PPP1R7: variants seen among roughly 807,000 people sequenced by gnomAD.
The protein encoded by PPP1R7 is protein phosphatase 1 regulatory subunit 7, also known as protein phosphatase 1 regulatory subunit 22.
In PPP1R7, 18 loss-of-function variants were observed where a neutral mutation model predicts 45.2. That is an observed-to-expected ratio of 0.40 (90% CI 0.28 to 0.59). The LOEUF is 0.59. PPP1R7 is among the 20% of genes least tolerant of loss of function. The probability of loss-of-function intolerance (pLI) is 0.46; values close to 1 mark genes in which losing one functional copy is unlikely to be tolerated. For missense variants in PPP1R7, 314 were observed against 455.8 expected (o/e 0.69, Z 2.83); for synonymous variants, 181 against 183.4 (o/e 0.99, Z 0.11).
chr2:241,165,029 C>T (rs953581960), intron 7 of PPP1R7, among the ~76,000 whole-genome samples: 1 of 152,086 alleles, frequency 6.6e-6, no homozygotes, highest in African/African-American at 2.4e-5. Flanking sequence ...GCCTGGGTGA[C>T]AGAGCGAGAG....
At chr2:241,181,304 C>G (rs1228389382) in intron 9 of PPP1R7, among the ~76,000 whole-genome samples, 5 of 152,140 alleles carry the variant, frequency 3.3e-5, no homozygotes, top group Non-Finnish European at 7.3e-5. Context: ...GACAGCCTGG[C>G]TGTGACAGTG....
intron 5 of PPP1R7, among the ~76,000 whole-genome samples, chr2:241,160,040 G>C (rs17384418): frequency 0.048 from 7,379 of 152,272 alleles, 245 homozygotes; most frequent in Middle Eastern, 0.11. Context: ...ATGGGCACAA[G>C]TGTGAACAAA....
chr2:241,163,262 T>C (rs756004096), intron 6 of PPP1R7, 23 bp from the exon 7 acceptor site: 2 of 1,534,656 alleles, frequency 1.3e-6, no homozygotes, highest in South Asian at 1.1e-5. Context: ...GCAGTACTCA[T>C]TGCTGTTCTG....
intron 6 of PPP1R7, among the ~76,000 whole-genome samples, chr2:241,161,984 C>A (rs2067603248): frequency 6.6e-6 from 1 of 152,222 alleles, no homozygotes. Context: ...GGAAGTATTA[C>A]AGCATTCTCT....
chr2:241,153,225 CT>C (rs2067362936), intron 1 of PPP1R7, among the ~76,000 whole-genome samples: 2 of 152,206 alleles, frequency 1.3e-5, no homozygotes, highest in Non-Finnish European at 2.9e-5. Context: ...TCTTCACAAG[CT>C]CCTTGAGGGC....
At chr2:241,179,225 GA>G (rs1182337030) in intron 9 of PPP1R7, among the ~76,000 whole-genome samples, 1 of 152,202 alleles carries the variant, frequency 6.6e-6, no homozygotes, top group Non-Finnish European at 1.5e-5. Flanking sequence ...GGATGTTGAA[GA>G]AGGGATGTTT....
At chr2:241,150,288 C>T (rs1443111097), upstream of PPP1R7, 9 of 1,317,624 alleles carry the variant, frequency 6.8e-6, no homozygotes, top group Non-Finnish European at 9.7e-7. Context: ...TCCGGCTCCG[C>T]CGCCTGAAAT....
upstream of PPP1R7, chr2:241,149,839 C>A: frequency 6.7e-7 from 1 of 1,498,238 alleles, no homozygotes; most frequent in Non-Finnish European, 8.9e-7. Flanking sequence ...CTGGGAACGA[C>A]TTGCAAGGGG....
At chr2:241,165,242 A>G (rs1383899282) in intron 7 of PPP1R7, among the ~76,000 whole-genome samples, 4 of 151,824 alleles carry the variant, frequency 2.6e-5, no homozygotes. Context: ...ATCTCGGCTC[A>G]CTGCAACCTC....
chr2:241,168,681 A>G (rs779036898), intron 8 of PPP1R7, among the ~76,000 whole-genome samples: 3 of 152,114 alleles, frequency 2.0e-5, no homozygotes, highest in Admixed American at 6.5e-5. Context: ...AGCCTGCTGG[A>G]GAGTGGCGTC....
chr2:241,156,952 G>T (rs759206938), intron 2 of PPP1R7, among the ~76,000 whole-genome samples: 12 of 152,034 alleles, frequency 7.9e-5, no homozygotes, highest in Non-Finnish European at 1.5e-4. Context: ...ACGTGCCTGT[G>T]TGTCTTTGTG....
At chr2:241,150,611 C>G in intron 1 of PPP1R7, 64 bp downstream of exon 1, 1 of 1,496,164 alleles carries the variant, frequency 6.7e-7, no homozygotes, top group Admixed American at 2.3e-5. Flanking sequence ...CGGGCTGGAA[C>G]TGCTCCGTGC....
intron 6 of PPP1R7, among the ~76,000 whole-genome samples, chr2:241,161,710 C>CATGTGCTGGAGGGGA (rs2067594494): frequency 6.6e-6 from 1 of 152,238 alleles, no homozygotes; most frequent in African/African-American, 2.4e-5. Flanking sequence ...TAACCACCGT[C>CATGTGCTGGAGGGGA]ATGTGCTGGA....
At position 241,182,949 on chromosome 2, in the gene PPP1R7, C is replaced by T; in HGVS notation, c.*126C>T. 2 of 1,133,750 alleles carry T rather than the reference C, an allele frequency of 1.8e-6. No individual in the cohort carries two copies. The highest frequency in any genetic ancestry group is 1.2e-6 in the Non-Finnish European group (1 of 814,210). 70.2% of individuals were successfully genotyped at this position (1,133,750 alleles called of 1,614,324 possible). On this transcript the variant is annotated 3_prime_UTR_variant, in exon 10 of 10. Transcript: ENST00000234038. The stretch of plus-strand genomic sequence containing the variant: ...GTCACAAACCCAATGGCAATAAAGG[C>T]ACTGACGATAGCTGGCGCGCGCGAC...
At chr2:241,160,235 C>A in intron 5 of PPP1R7, 97 bp from the exon 6 acceptor site, 7 of 911,176 alleles carry the variant, frequency 7.7e-6, no homozygotes, top group Non-Finnish European at 9.6e-6. Context: ...TGACTGCCGT[C>A]CCCTGATGGG....
chr2:241,161,784 A>G lies in PPP1R7; in HGVS notation c.597+1290A>G, dbSNP rs2067596424. On this transcript the variant is annotated intron_variant, in intron 6 of 9. Transcript: ENST00000234038. ...GAGGTGGATCTGCCAGGCAGGGAGG[A>G]GGGAGGGTTCCCGTGGGCAGGAAGG... Among the ~76,000 whole-genome samples the G allele has an allele frequency of 2.0e-5, 3 of 152,314 alleles. No homozygotes were observed. The South Asian group carries it at 6.2e-4, about 32-fold the overall frequency.
At chr2:241,182,204 C>T (rs1426940665) in intron 9 of PPP1R7, among the ~76,000 whole-genome samples, 1 of 152,212 alleles carries the variant, frequency 6.6e-6, no homozygotes, top group Admixed American at 6.5e-5. Context: ...AGGTAATTTA[C>T]AGAAGAGTTG....
intron 1 of PPP1R7, among the ~76,000 whole-genome samples, chr2:241,152,669 G>A (rs909330005): frequency 1.3e-5 from 2 of 152,200 alleles, no homozygotes; most frequent in African/African-American, 4.8e-5. Context: ...AGTCAGGAAA[G>A]AGTATTTTCA....
intron 1 of PPP1R7, among the ~76,000 whole-genome samples, chr2:241,150,896 C>G (rs528189295): frequency 6.6e-6 from 1 of 152,204 alleles, no homozygotes; most frequent in East Asian, 1.9e-4. Context: ...CCTCGGTCAG[C>G]TGACGAGGAA....
Sources: gnomAD v4.1 joint callset for allele counts (sites outside exome capture counted in the v4.1 genomes callset) on GRCh38, gnomAD v4.1.1 for gene constraint, MANE v1.5 for transcripts, NCBI Gene and HGNC (gene_info 2026-07-23, HGNC 2026-07-21) for gene names.